HIVEP3: variants seen among roughly 807,000 people sequenced by gnomAD.
The protein encoded by HIVEP3 is transcription factor HIVEP3.
In HIVEP3, 49 loss-of-function variants were observed where a neutral mutation model predicts 152.8. That is an observed-to-expected ratio of 0.32 (90% CI 0.26 to 0.41). The LOEUF (loss-of-function observed/expected upper bound fraction) is 0.41, where lower values mean the gene tolerates loss of function less well. HIVEP3 is among the 10% of genes least tolerant of loss of function. The pLI is 1.00. For missense variants in HIVEP3, 2,790 were observed against 3,103.3 expected (o/e 0.90, Z 2.40); for synonymous variants, 1,269 against 1,289.0 (o/e 0.98, Z 0.33).
chr1:41,698,549 T>G (rs1227692369), intron 2 of HIVEP3, among the ~76,000 whole-genome samples: 5 of 152,166 alleles, frequency 3.3e-5, no homozygotes, highest in Admixed American at 2.0e-4. Context: ...ACCAAGTTGA[T>G]GAGGGAGCTG....
chr1:41,782,516 G>A (rs564607817), intron 1 of HIVEP3, among the ~76,000 whole-genome samples: 1 of 152,186 alleles, frequency 6.6e-6, no homozygotes, highest in African/African-American at 2.4e-5. Context: ...GGTGGATCAC[G>A]AGGTCAGGAG....
At chr1:41,710,734 G>A (rs1191111180) in intron 1 of HIVEP3, among the ~76,000 whole-genome samples, 1 of 152,222 alleles carries the variant, frequency 6.6e-6, no homozygotes, top group Admixed American at 6.5e-5. Flanking sequence ...CCTGGGCACT[G>A]GTGCTGTGTC....
intron 2 of HIVEP3, among the ~76,000 whole-genome samples, chr1:41,638,411 G>T (rs953504287): frequency 1.3e-5 from 2 of 151,054 alleles, no homozygotes; most frequent in Non-Finnish European, 2.9e-5. Context: ...AGAAAGGAAG[G>T]AAGTAAGGAA....
chr1:41,533,637 G>C lies in HIVEP3; in HGVS notation c.5208-8727C>G, dbSNP rs570765154. 2.6e-5 allele frequency among the ~76,000 whole-genome samples: 4 copies of C among 151,886 alleles called. No individual in the cohort carries two copies. The South Asian group carries it at 6.3e-4, about 24-fold the overall frequency. Reference sequence around the variant, plus strand: ...TGTCCGCCCTCTTGCTGGCCTTCTGGAGGCACCTCATTCCCTCCTGCTTGT... The same window carrying C: ...TGTCCGCCCTCTTGCTGGCCTTCTGCAGGCACCTCATTCCCTCCTGCTTGT... On this transcript the variant is annotated intron_variant, in intron 5 of 8. Transcript: ENST00000372583. The surrounding 1 kb of genome is among the most constrained non-coding windows in gnomAD (Gnocchi z 4.3).
Position 41,513,197 on chromosome 1 carries a change from T to C in HIVEP3, c.6024A>G (p.Pro2008=), listed in dbSNP as rs770772077. 1 of 1,613,676 alleles carries C rather than the reference T, an allele frequency of 6.2e-7. No homozygotes were observed. Among genetic ancestry groups the C allele is most frequent in the Non-Finnish European group, 8.5e-7 (1 of 1,179,950 alleles). ...GGTCCACGTGCAGGCCAGGTGGGCT[T>C]GGGGCTGAGGCCTGTGGTTCTCGGG... ...SPAREPQASA[P]SPPGLHVDPG... The change falls in exon 8 of 9, where the codon CCA becomes CCG. Residue 2008 remains proline, a synonymous_variant. Coordinates refer to ENST00000372583, the MANE Select transcript of HIVEP3 (RefSeq NM_024503.5).
At chr1:41,951,388 G>A (rs1645106174) in intron 1 of HIVEP3, among the ~76,000 whole-genome samples, 1 of 152,168 alleles carries the variant, frequency 6.6e-6, no homozygotes. Context: ...AGCCTAAATA[G>A]TGTTTATGTT....
At chr1:41,575,176 G>A (rs74069937) in intron 5 of HIVEP3, among the ~76,000 whole-genome samples, 245 of 152,306 alleles carry the variant, frequency 1.6e-3, no homozygotes, top group African/African-American at 5.4e-3. Flanking sequence ...GATGACTTTT[G>A]GAGAATACAT....
intron 2 of HIVEP3, among the ~76,000 whole-genome samples, chr1:41,644,074 T>C (rs1570200070): frequency 6.6e-6 from 1 of 151,884 alleles, no homozygotes; most frequent in East Asian, 1.9e-4. Context: ...TTTGTGGAGA[T>C]GAGGTCTCAC....
At chr1:41,866,081 C>T (rs574921347) in intron 1 of HIVEP3, among the ~76,000 whole-genome samples, 4 of 152,310 alleles carry the variant, frequency 2.6e-5, no homozygotes, top group East Asian at 3.9e-4. Context: ...ACTATCCAGC[C>T]GAGGCCAGCT....
chr1:41,561,406 C>T (rs1443214198), intron 5 of HIVEP3, among the ~76,000 whole-genome samples: 1 of 152,164 alleles, frequency 6.6e-6, no homozygotes, highest in Non-Finnish European at 1.5e-5. Flanking sequence ...TCAAACAATG[C>T]CCGAAGATGG....
At chr1:42,018,028 C>T (rs1288712535) in intron 1 of HIVEP3, among the ~76,000 whole-genome samples, 1 of 151,966 alleles carries the variant, frequency 6.6e-6, no homozygotes, top group African/African-American at 2.4e-5. Flanking sequence ...ACAATGAATG[C>T]AATTGATATA....
chr1:41,719,305 T>C (rs914933985), intron 1 of HIVEP3, among the ~76,000 whole-genome samples: 3 of 152,236 alleles, frequency 2.0e-5, no homozygotes, highest in Admixed American at 2.0e-4. Flanking sequence ...CAGGAGACAG[T>C]GAAGCTCCTC....
chr1:42,031,314 C>T (rs1645611283), intron 1 of HIVEP3, among the ~76,000 whole-genome samples: 1 of 152,184 alleles, frequency 6.6e-6, no homozygotes, highest in Non-Finnish European at 1.5e-5. Flanking sequence ...ACCTGTGTTC[C>T]AGCAGGTTGT....
intron 1 of HIVEP3, among the ~76,000 whole-genome samples, chr1:41,767,910 T>C (rs991517901): frequency 1.3e-5 from 2 of 152,250 alleles, no homozygotes; most frequent in Non-Finnish European, 2.9e-5. Context: ...GATTCATTTT[T>C]ACCTCGTTCT....
At chr1:41,883,098 C>A (rs1644289401) in intron 1 of HIVEP3, among the ~76,000 whole-genome samples, 1 of 152,056 alleles carries the variant, frequency 6.6e-6, no homozygotes, top group Admixed American at 6.6e-5. Context: ...ACAGAAAATA[C>A]AGGGGCAGCA....
At position 41,819,699 on chromosome 1, in the gene HIVEP3, C is replaced by T. The variant is rs147850962; in HGVS notation, c.-801+98714G>A. On this transcript the variant is annotated intron_variant, in intron 1 of 8. Transcript: ENST00000372583. ...ATTTCTGATTGAATTGCTTTGCGGT[C>T]AGAGACATATATGATATTGGGGGTT... Among the ~76,000 whole-genome samples, 751 of 152,184 alleles carry T rather than the reference C, an allele frequency of 4.9e-3. 6 individuals are homozygous for T. Among genetic ancestry groups the T allele is most frequent in the African/African-American group, 0.017 (719 of 41,510 alleles).
intron 6 of HIVEP3, among the ~76,000 whole-genome samples, chr1:41,520,811 C>T (rs975465849): frequency 2.0e-5 from 3 of 152,194 alleles, no homozygotes; most frequent in African/African-American, 4.8e-5. Context: ...ATTCAACCCC[C>T]GCCAGGCTGA....
rs192299468 is a variant in HIVEP3 at position 41,968,960 on chromosome 1, T to C, written n.120-50436A>G. Among the ~76,000 whole-genome samples, 19 of 152,214 alleles carry C rather than the reference T, an allele frequency of 1.2e-4. No homozygotes were observed. The East Asian group carries it at 3.3e-3, about 26-fold the overall frequency. On this transcript the variant is annotated intron_variant and non_coding_transcript_variant, in intron 1 of 3. Coordinates refer to the HIVEP3 transcript ENST00000489103. ...ATCATGAATGAATTCCCATTCACAA[T>C]TGCTACAAAGAGAATAAAATATGTA... is the stretch of plus-strand genomic sequence containing the variant.
intron 1 of HIVEP3, among the ~76,000 whole-genome samples, chr1:41,837,485 C>A (rs1643158823): frequency 6.6e-6 from 1 of 152,114 alleles, no homozygotes; most frequent in Non-Finnish European, 1.5e-5. Context: ...CACCACCACA[C>A]CCCGCTAATT....
Sources: gnomAD v4.1 joint callset for allele counts (sites outside exome capture counted in the v4.1 genomes callset) on GRCh38, gnomAD v4.1.1 for gene constraint, Gnocchi (gnomAD v3.1) non-coding constraint, MANE v1.5 for transcripts, NCBI Gene and HGNC (gene_info 2026-07-23, HGNC 2026-07-21) for gene names.